The following DGKB variants were observed in gnomAD, a reference collection of about 807,000 sequenced individuals.
DGKB encodes diacylglycerol kinase beta.
A neutral mutation model predicts 114.3 loss-of-function variants in DGKB; 67 were observed. The ratio of observed to expected loss-of-function variants is 0.59; its 90% CI spans 0.48 to 0.72. The LOEUF is 0.72. Among genes scored for constraint, DGKB ranks in the 30% least tolerant of loss-of-function variants. The pLI is 0.00. For missense variants in DGKB, 907 were observed against 975.2 expected (o/e 0.93, Z 0.93); for synonymous variants, 398 against 323.1 (o/e 1.23, Z -2.49).
rs148758072 is a variant in DGKB, at chr7:14,287,526, G to A, written c.2122+50989C>T. Among the ~76,000 whole-genome samples, 916 of 152,192 alleles carry A rather than the reference G, an allele frequency of 6.0e-3. 13 individuals carry two copies. The highest frequency in any genetic ancestry group is 0.021 in the African/African-American group (874 of 41,540). ...ATTAATATGAACTTATTTTCCTATAGTTGTCTTTTACTTATTTCTACCGCA... is the reference window on the plus strand; with the variant it reads ...ATTAATATGAACTTATTTTCCTATAATTGTCTTTTACTTATTTCTACCGCA... On this transcript the variant is annotated intron_variant, in intron 23 of 25. Coordinates refer to ENST00000402815, the MANE Select transcript of DGKB (RefSeq NM_001350709.2).
At chr7:14,533,754 C>T (rs533985951) in intron 20 of DGKB, among the ~76,000 whole-genome samples, 1 of 151,922 alleles carries the variant, frequency 6.6e-6, no homozygotes, top group East Asian at 1.9e-4. Flanking sequence ...AGTCCAGGAG[C>T]GGGTGGAGTG....
intron 2 of DGKB, among the ~76,000 whole-genome samples, chr7:14,763,349 G>T (rs1468975380): frequency 6.6e-6 from 1 of 152,082 alleles, no homozygotes; most frequent in Non-Finnish European, 1.5e-5. Flanking sequence ...TTGGGCACTA[G>T]TAACACTATT....
intron 23 of DGKB, among the ~76,000 whole-genome samples, chr7:14,215,520 A>C (rs570183620): frequency 6.6e-5 from 10 of 152,298 alleles, no homozygotes; most frequent in African/African-American, 2.4e-4. Context: ...AATAGTAAAA[A>C]TAACCACTAA....
Position 14,147,365 on chromosome 7 carries a change from TGATA to T in DGKB, c.*1762_*1765del, listed in dbSNP as rs746278575. 1.1e-4 allele frequency: 17 copies of T among 152,186 alleles called. No homozygotes were observed. Among genetic ancestry groups the T allele is most frequent in the Non-Finnish European group, 1.9e-4 (13 of 68,010 alleles). The allele number at this position is 152,186 out of a possible 1,614,324, so 9.4% of individuals were successfully genotyped here. On this transcript the variant is annotated 3_prime_UTR_variant, in exon 26 of 26. Transcript: ENST00000402815. ...TAAAGTAATTAAGCTTATTGTTGAT[TGATA>T]TTTACCGTCCAATGTTCCAGGAACA...
chr7:14,402,651 G>T (rs2128728766), intron 21 of DGKB, among the ~76,000 whole-genome samples: 1 of 151,978 alleles, frequency 6.6e-6, no homozygotes, highest in South Asian at 2.1e-4. Context: ...TGAACCATAA[G>T]TAGGTACTAT....
intron 1 of DGKB, among the ~76,000 whole-genome samples, chr7:14,891,625 A>C (rs117836626): frequency 0.029 from 4,446 of 151,556 alleles, 104 homozygotes; most frequent in Non-Finnish European, 0.039. Context: ...GAAGGTTGTG[A>C]GTAGAGAGAA....
At chr7:14,285,247 G>A (rs763824398) in intron 23 of DGKB, among the ~76,000 whole-genome samples, 2 of 152,098 alleles carry the variant, frequency 1.3e-5, no homozygotes, top group East Asian at 1.9e-4. Flanking sequence ...CATTAGGTGG[G>A]TGCTACAAAG....
chr7:14,245,167 TACACAC>T (rs111929500), intron 23 of DGKB, among the ~76,000 whole-genome samples: 4 of 149,320 alleles, frequency 2.7e-5, no homozygotes, highest in East Asian at 2.0e-4. Context: ...TATGTACACA[TACACAC>T]ACACACACAC....
chr7:14,580,955 C>A lies in DGKB; in HGVS notation c.1520-4G>T. ...TGCTTGCCTACATTGGCCTTTTCTG[C>A]AGAATAAAAAAAAATACAAATAAAG... is the stretch of plus-strand genomic sequence containing the variant. On this transcript the variant is annotated splice_polypyrimidine_tract_variant and splice_region_variant and intron_variant, in intron 18 of 25. Coordinates refer to ENST00000402815, the MANE Select transcript of DGKB (RefSeq NM_001350709.2). 1.3e-6 allele frequency: 2 copies of A among 1,571,344 alleles called. No homozygotes were observed. Among genetic ancestry groups the A allele is most frequent in the South Asian group, 1.2e-5 (1 of 83,950 alleles).
chr7:14,789,383 A>AAC, intron 2 of DGKB, among the ~76,000 whole-genome samples: 1 of 152,222 alleles, frequency 6.6e-6, no homozygotes, highest in African/African-American at 2.4e-5. Context: ...GTCTTTTCAA[A>AAC]AATGCTATGT....
chr7:14,566,448 G>T (rs897854223), intron 20 of DGKB, among the ~76,000 whole-genome samples: 1 of 152,120 alleles, frequency 6.6e-6, no homozygotes, highest in South Asian at 2.1e-4. Context: ...TATATTTATA[G>T]ATTTTAGGTA....
chr7:14,297,611 A>ATTC (rs1802806299), intron 23 of DGKB, among the ~76,000 whole-genome samples: 1 of 152,186 alleles, frequency 6.6e-6, no homozygotes, highest in Admixed American at 6.5e-5. Context: ...CTGAATGGGC[A>ATTC]AAATCTGGAA....
intron 10 of DGKB, 73 bp downstream of exon 10, chr7:14,685,172 A>G: frequency 1.0e-6 from 1 of 972,250 alleles, no homozygotes; most frequent in South Asian, 1.4e-5. Context: ...TCCATTTACA[A>G]ATAAGACTAT....
intron 21 of DGKB, among the ~76,000 whole-genome samples, chr7:14,357,323 T>C (rs1814757635): frequency 6.6e-6 from 1 of 152,224 alleles, no homozygotes; most frequent in African/African-American, 2.4e-5. Flanking sequence ...GCTCTTCTTG[T>C]TGAATTGATC....
intron 4 of DGKB, among the ~76,000 whole-genome samples, chr7:14,748,078 T>G (rs1486510103): frequency 1.3e-5 from 2 of 152,208 alleles, no homozygotes; most frequent in African/African-American, 2.4e-5. Context: ...ATAAATGTCA[T>G]CACTCTATCC....
chr7:14,461,361 C>A (rs753957856), intron 21 of DGKB, among the ~76,000 whole-genome samples: 10 of 150,330 alleles, frequency 6.7e-5, no homozygotes, highest in Non-Finnish European at 1.2e-4. Context: ...GACCACTAGC[C>A]AGATGAATAA....
At chr7:14,699,726 T>G (rs896557549) in intron 7 of DGKB, among the ~76,000 whole-genome samples, 4 of 152,150 alleles carry the variant, frequency 2.6e-5, no homozygotes, top group Admixed American at 2.6e-4. Flanking sequence ...ATTGGAGTAG[T>G]AGCTATTGTG....
intron 19 of DGKB, among the ~76,000 whole-genome samples, chr7:14,577,127 G>C (rs1041882046): frequency 6.6e-6 from 1 of 152,096 alleles, no homozygotes; most frequent in Non-Finnish European, 1.5e-5. Flanking sequence ...GATTTTTACA[G>C]AAAAGAATAA....
At chr7:14,880,087 G>A (rs1256165100) in intron 1 of DGKB, among the ~76,000 whole-genome samples, 3 of 152,160 alleles carry the variant, frequency 2.0e-5, no homozygotes, top group African/African-American at 7.2e-5. Flanking sequence ...TCAGGAAAGT[G>A]ACATTTAAAG....
Sources: allele counts gnomAD v4.1 joint callset (sites outside exome capture counted in the v4.1 genomes callset), GRCh38; gene constraint gnomAD v4.1.1; transcripts MANE v1.5; gene names NCBI Gene and HGNC (gene_info 2026-07-23, HGNC 2026-07-21).